Variants in GMDS observed in about 807,000 individuals in gnomAD.
GMDS encodes GDP-mannose 4,6 dehydratase.
GMDS carries 20 observed loss-of-function variants against 49.9 expected under a neutral mutation model. The ratio of observed to expected loss-of-function variants is 0.40; its 90% CI spans 0.28 to 0.58. The LOEUF is 0.58. Among genes scored for constraint, GMDS ranks in the 20% least tolerant of loss-of-function variants. The pLI is 0.42. For missense variants in GMDS, 362 were observed against 481.4 expected, an observed-to-expected ratio of 0.75 and a Z score of 2.32; for synonymous variants, 177 against 178.6, an observed-to-expected ratio of 0.99 and a Z score of 0.07.
intron 4 of GMDS, among the ~76,000 whole-genome samples, chr6:2,007,239 G>C (rs1484437783): frequency 2.6e-5 from 4 of 152,142 alleles, no homozygotes; most frequent in African/African-American, 9.7e-5. Flanking sequence ...GTGTGTGTGT[G>C]TGCATCTGTG....
intron 7 of GMDS, among the ~76,000 whole-genome samples, chr6:1,813,580 A>G (rs1399081371): frequency 1.3e-5 from 2 of 152,162 alleles, no homozygotes; most frequent in African/African-American, 4.8e-5. Context: ...TTAGTTCTAG[A>G]TAGCTAATAA....
intron 1 of GMDS, among the ~76,000 whole-genome samples, chr6:2,223,350 T>C (rs1433392036): frequency 7.9e-5 from 12 of 152,072 alleles, no homozygotes; most frequent in Non-Finnish European, 1.0e-4. Context: ...ACTGGGACAC[T>C]GGAGAGTTTA....
At chr6:1,925,762 G>T (rs1398394337) in intron 7 of GMDS, among the ~76,000 whole-genome samples, 1 of 152,182 alleles carries the variant, frequency 6.6e-6, no homozygotes, top group Non-Finnish European at 1.5e-5. Flanking sequence ...CCTGGTGAGG[G>T]CTCCACCCCC....
At chr6:1,908,740 A>G (rs964166547) in intron 7 of GMDS, among the ~76,000 whole-genome samples, 1 of 152,176 alleles carries the variant, frequency 6.6e-6, no homozygotes, top group Non-Finnish European at 1.5e-5. Flanking sequence ...GCTCTTCCCT[A>G]CGGCTGTTTG....
chr6:1,713,567 G>A (rs146879258), intron 9 of GMDS, among the ~76,000 whole-genome samples: 2 of 152,152 alleles, frequency 1.3e-5, no homozygotes, highest in African/African-American at 2.4e-5. Context: ...ATAATATTTC[G>A]TCTTGCCAAT....
At chr6:1,946,629 A>G (rs1763085501) in intron 6 of GMDS, among the ~76,000 whole-genome samples, 1 of 152,240 alleles carries the variant, frequency 6.6e-6, no homozygotes, top group African/African-American at 2.4e-5. Context: ...TTCCAGTATC[A>G]GATGCACTTA....
chr6:1,960,453 T>A (rs1581424528), intron 5 of GMDS, among the ~76,000 whole-genome samples: 1 of 152,096 alleles, frequency 6.6e-6, no homozygotes, highest in Non-Finnish European at 1.5e-5. Flanking sequence ...TTCAGTATAA[T>A]CTCATAACAG....
intron 4 of GMDS, among the ~76,000 whole-genome samples, chr6:2,019,247 A>G (rs55635233): frequency 0.19 from 29,441 of 151,300 alleles, 3,387 homozygotes; most frequent in Non-Finnish European, 0.24. Flanking sequence ...GTCATCTCCA[A>G]ATAGAAATAG....
At chr6:1,633,837 C>A (rs1763067876) in intron 9 of GMDS, among the ~76,000 whole-genome samples, 1 of 151,688 alleles carries the variant, frequency 6.6e-6, no homozygotes, top group South Asian at 2.1e-4. Flanking sequence ...CCTTTCCCAG[C>A]AAAGCCACGT....
chr6:1,683,284 C>T (rs910612358), intron 9 of GMDS, among the ~76,000 whole-genome samples: 10 of 152,148 alleles, frequency 6.6e-5, no homozygotes, highest in Admixed American at 5.2e-4. Flanking sequence ...CCACCACGCC[C>T]GGCTAGTTTT....
intron 7 of GMDS, among the ~76,000 whole-genome samples, chr6:1,904,388 G>A (rs558945981): frequency 3.7e-4 from 57 of 152,232 alleles, no homozygotes; most frequent in African/African-American, 1.3e-3. Context: ...TGTCCTTCCT[G>A]AGAGCAAAGG....
At chr6:2,106,666 C>T (rs767967095) in intron 4 of GMDS, among the ~76,000 whole-genome samples, 65 of 152,136 alleles carry the variant, frequency 4.3e-4, no homozygotes, top group South Asian at 1.5e-3. Flanking sequence ...AGATGGAGAC[C>T]GGCCTGGCCA....
chr6:1,726,368 C>A (rs1348233984), intron 9 of GMDS, 48 bp downstream of exon 9: 1 of 1,300,118 alleles, frequency 7.7e-7, no homozygotes, highest in Admixed American at 1.7e-5. Flanking sequence ...ATTTGCCCAG[C>A]CAGCCAGCCA....
At chr6:1,678,996 C>T (rs1156464818) in intron 9 of GMDS, among the ~76,000 whole-genome samples, 5 of 152,154 alleles carry the variant, frequency 3.3e-5, no homozygotes, top group Non-Finnish European at 7.4e-5. Flanking sequence ...AAATGAGTCC[C>T]ATTTACTGAA....
Position 1,752,596 on chromosome 6 carries a change from A to T in GMDS, c.772-10010T>A, listed in dbSNP as rs528366738. On this transcript the variant is annotated intron_variant, in intron 7 of 10. Coordinates refer to ENST00000380815, the MANE Select transcript of GMDS (RefSeq NM_001500.4). ...AGATACATAATCGTCAGATTCACCAAGGTTGAAATGAAGGAAAGAATGTTA... is the reference window on the plus strand; with the variant it reads ...AGATACATAATCGTCAGATTCACCATGGTTGAAATGAAGGAAAGAATGTTA... Among the ~76,000 whole-genome samples, 93 of 152,342 alleles carry T rather than the reference A, an allele frequency of 6.1e-4. 1 individual carries two copies. Among genetic ancestry groups the T allele is most frequent in the African/African-American group, 2.0e-3 (84 of 41,578 alleles).
chr6:1,969,289 A>G (rs6596862), intron 4 of GMDS, among the ~76,000 whole-genome samples: 3,638 of 84,118 alleles, frequency 0.043, 594 homozygotes, highest in African/African-American at 0.1. Context: ...AAAAAAAAAA[A>G]AGAGAAAGAA....
chr6:2,121,439 C>T (rs1775134857), intron 2 of GMDS, among the ~76,000 whole-genome samples: 1 of 152,154 alleles, frequency 6.6e-6, no homozygotes, highest in Non-Finnish European at 1.5e-5. Flanking sequence ...AAACAAACAA[C>T]ATTAAAAACT....
At chr6:1,912,796 T>G (rs1761136727) in intron 7 of GMDS, among the ~76,000 whole-genome samples, 1 of 152,124 alleles carries the variant, frequency 6.6e-6, no homozygotes, top group Non-Finnish European at 1.5e-5. Flanking sequence ...GTCAGAAAAT[T>G]TTCAAAATCT....
intron 4 of GMDS, among the ~76,000 whole-genome samples, chr6:1,991,501 G>A (rs1765935991): frequency 6.6e-6 from 1 of 152,270 alleles, no homozygotes; most frequent in East Asian, 1.9e-4. Context: ...TTAGGAGGGT[G>A]GCCAATGATA....
Sources: allele counts gnomAD v4.1 joint callset (sites outside exome capture counted in the v4.1 genomes callset), GRCh38; gene constraint gnomAD v4.1.1; transcripts MANE v1.5; gene names NCBI Gene and HGNC (gene_info 2026-07-23, HGNC 2026-07-21).